MAGEB3: variants seen among roughly 807,000 people sequenced by gnomAD.
The protein encoded by MAGEB3 is melanoma-associated antigen B3.
For synonymous variants in MAGEB3, 91 were observed against 93.0 expected (o/e 0.98, Z 0.12); for missense variants, 191 against 262.4 (o/e 0.73, Z 1.88).
intron 2 of MAGEB3, among the ~76,000 whole-genome samples, chrX:30,232,021 C>G (rs2147335798): frequency 8.9e-6 from 1 of 112,309 alleles, no homozygotes; most frequent in East Asian, 2.8e-4. Context: ...CTCGGAGACC[C>G]CGAGCGGGGT....
In MAGEB3 at chrX:30,237,305, TA is replaced by T. The variant is rs1186432353; in HGVS notation, c.*351del. On this transcript the variant is annotated 3_prime_UTR_variant, in exon 5 of 5. Transcript: ENST00000361644. Reference sequence around the variant, plus strand: ...GAATAAGCATTTCCTTGAAAATGTTTAAAAAAAAAAAGTCAGCAGTAAAATG... The same window carrying T: ...GAATAAGCATTTCCTTGAAAATGTTTAAAAAAAAAAGTCAGCAGTAAAATG... 0.012 allele frequency: 1,870 copies of T among 158,078 alleles called. 7 individuals carry two copies. The highest frequency in any genetic ancestry group is 0.017 in the African/African-American group (534 of 30,577). 13.0% of individuals were successfully genotyped at this position (158,078 alleles called of 1,213,427 possible).
At position 30,236,039 on chromosome X, in the gene MAGEB3, T is replaced by C; in HGVS notation, c.115T>C (p.Ser39Pro). 1 of 1,210,760 alleles carries C rather than the reference T, an allele frequency of 8.3e-7. No homozygotes were observed. The highest frequency in any genetic ancestry group is 1.8e-5 in the South Asian group (1 of 56,862). Residue 39 changes from serine (S) to proline (P), a missense_variant, in exon 5 of 5, where the codon TCC becomes CCC. Ser to Pro is a moderately conservative substitution (Grantham distance 74). Coordinates refer to ENST00000361644, the MANE Select transcript of MAGEB3 (RefSeq NM_002365.5). ...QITATNKKKV[S>P]FSSPLILGAT... ...CACTGCAACTAACAAGAAAAAAGTA[T>C]CCTTTTCATCCCCTCTTATTTTGGG...
chrX:30,234,004 A>T (rs1199070987), intron 4 of MAGEB3, among the ~76,000 whole-genome samples: 1 of 112,575 alleles, frequency 8.9e-6, no homozygotes, highest in African/African-American at 3.2e-5. Context: ...AGGGGCGTCA[A>T]CAGAAAGCAG....
rs768704846 is a variant in MAGEB3 at position 30,236,661 on chromosome X, A to T, written c.737A>T (p.Lys246Met). The change falls in exon 5 of 5, where the codon AAG (lysine) becomes ATG (methionine). Residue 246 changes from lysine to methionine, a missense_variant. Coordinates refer to ENST00000361644, the MANE Select transcript of MAGEB3 (RefSeq NM_002365.5). ...KKHFIFGEPR[K>M]LITQDLVKLK... ...CACTTCATATTTGGGGAGCCCAGAAAGCTCATCACCCAAGATTTGGTGAAG... is the reference window on the plus strand; with the variant it reads ...CACTTCATATTTGGGGAGCCCAGAATGCTCATCACCCAAGATTTGGTGAAG... The T allele has an allele frequency of 8.3e-7, 1 of 1,210,849 alleles. No homozygotes were observed. Among genetic ancestry groups the T allele is most frequent in the Non-Finnish European group, 1.1e-6 (1 of 895,371 alleles).
chrX:30,232,369 A>T (rs1299973921), intron 2 of MAGEB3, among the ~76,000 whole-genome samples: 3 of 109,685 alleles, frequency 2.7e-5, no homozygotes, highest in Non-Finnish European at 5.7e-5. Flanking sequence ...TAATCCCAGC[A>T]CACTGGGAGG....
Position 30,236,557 on chromosome X carries a change from C to A in MAGEB3, c.633C>A (p.Ile211=). The A allele has an allele frequency of 8.3e-7, 1 of 1,211,869 alleles. No homozygotes were observed. The highest frequency in any genetic ancestry group is 1.1e-6 in the Non-Finnish European group (1 of 895,458). The change falls in exon 5 of 5, where the codon ATC becomes ATA. Residue 211 remains isoleucine (I), a synonymous_variant. Coordinates refer to ENST00000361644, the MANE Select transcript of MAGEB3 (RefSeq NM_002365.5). ...TGLLLNLLGV[I]FMKGNCATEE... ...TCCTGCTGAATCTCCTGGGCGTGAT[C>A]TTCATGAAGGGCAACTGTGCCACTG... is the stretch of plus-strand genomic sequence containing the variant.
intron 3 of MAGEB3, among the ~76,000 whole-genome samples, 169 bp downstream of exon 3, chrX:30,233,085 G>A (rs1924860373): frequency 9.2e-6 from 1 of 108,931 alleles, no homozygotes; most frequent in Non-Finnish European, 1.9e-5. Flanking sequence ...CACAGGTGTA[G>A]TCCCAGCTAT....
At position 30,236,977 on chromosome X, in the gene MAGEB3, C is replaced by A; in HGVS notation, c.*12C>A. 2.6e-6 allele frequency: 3 copies of A among 1,171,491 alleles called. No individual in the cohort carries two copies. Among genetic ancestry groups the A allele is most frequent in the Non-Finnish European group, 3.4e-6 (3 of 872,858 alleles). Reference sequence around the variant, plus strand: ...CTTCCCACGCCTAGTGAAGTTGAAGCAAATTTTGCATTTTGTGGTTAAAGA... The same window carrying A: ...CTTCCCACGCCTAGTGAAGTTGAAGAAAATTTTGCATTTTGTGGTTAAAGA... On this transcript the variant is annotated 3_prime_UTR_variant, in exon 5 of 5. Coordinates refer to ENST00000361644, the MANE Select transcript of MAGEB3 (RefSeq NM_002365.5).
At chrX:30,233,809 A>G (rs1173477990) in intron 4 of MAGEB3, among the ~76,000 whole-genome samples, 7 of 111,666 alleles carry the variant, frequency 6.3e-5, no homozygotes, top group Non-Finnish European at 1.3e-4. Flanking sequence ...ACAAAAGGGG[A>G]CCCACACGTC....
Position 30,236,680 on chromosome X carries a change from G to A in MAGEB3, c.756G>A (p.Leu252=). ...CCAGAAAGCTCATCACCCAAGATTT[G>A]GTGAAGCTTAAATACCTGGAGTACC... The part of the protein sequence containing the change: ...GEPRKLITQD[L]VKLKYLEYRQ... The change falls in exon 5 of 5, where the codon TTG becomes TTA. Residue 252 remains leucine, a synonymous_variant. Transcript: ENST00000361644. The A allele has an allele frequency of 8.2e-7, 1 of 1,212,159 alleles. No individual in the cohort carries two copies.
intron 4 of MAGEB3, among the ~76,000 whole-genome samples, chrX:30,234,951 A>C (rs1177451968): frequency 9.0e-6 from 1 of 111,594 alleles, no homozygotes; most frequent in Non-Finnish European, 1.9e-5. Context: ...ACTCTCTCTA[A>C]AAAGTAGAGT....
rs746621811 is a variant in MAGEB3 at position 30,236,791 on chromosome X, G to A, written c.867G>A (p.Leu289=). The A allele has an allele frequency of 3.3e-6, 4 of 1,212,044 alleles. No individual in the cohort carries two copies. Among genetic ancestry groups the A allele is most frequent in the South Asian group, 3.5e-5 (2 of 57,000 alleles). Residue 289 remains leucine (L), a synonymous_variant, in exon 5 of 5, where the codon CTG becomes CTA. Transcript: ENST00000361644. ...AHAETSKMKV[L]EFWAKVNKTV... ...CTGAAACCAGCAAGATGAAGGTCCT[G>A]GAGTTTTGGGCCAAGGTCAATAAAA...
Position 30,236,243 on chromosome X carries a change from C to T in MAGEB3, c.319C>T (p.Arg107Cys), listed in dbSNP as rs761502732. 5 of 1,207,073 alleles carry T rather than the reference C, an allele frequency of 4.1e-6. No homozygotes were observed. The highest frequency in any genetic ancestry group is 1.7e-5 in the African/African-American group (1 of 57,559). Residue 107 changes from arginine to cysteine, a missense_variant, in exon 5 of 5, where the codon CGC (arginine) becomes TGC (cysteine). By Grantham distance (180) the Arg-to-Cys change is radical. Coordinates refer to ENST00000361644, the MANE Select transcript of MAGEB3 (RefSeq NM_002365.5). ...GGGTCTATCCTCCACTGTGCAGTCT[C>T]GCACAGACCCTCTAATCATGAAGAC... ...SQGLSSTVQS[R>C]TDPLIMKTNM...
intron 4 of MAGEB3, 130 bp from the exon 5 acceptor site, chrX:30,235,734 A>G (rs1924955885): frequency 4.8e-6 from 2 of 418,983 alleles, no homozygotes; most frequent in Admixed American, 9.2e-5. Flanking sequence ...CAAACTGATC[A>G]GAACAGAAGC....
In MAGEB3 at chrX:30,236,427, T is replaced by G; in HGVS notation, c.503T>G (p.Leu168Ter). 1 of 1,211,511 alleles carries G rather than the reference T, an allele frequency of 8.3e-7. No individual in the cohort carries two copies. The highest frequency in any genetic ancestry group is 1.1e-6 in the Non-Finnish European group (1 of 895,251). Residue 168 changes from leucine to a stop codon, truncating the protein, a stop_gained, in exon 5 of 5, where the codon TTA (leucine) becomes TGA (stop). Coordinates refer to ENST00000361644, the MANE Select transcript of MAGEB3 (RefSeq NM_002365.5). LOFTEE classifies it low-confidence loss of function (END_TRUNC). Reference protein sequence around the residue: ...FNMEVVFGVDLKKVDSTKDSY... With the variant: ...FNMEVVFGVD ...ATGGAGGTGGTATTTGGTGTTGATT[T>G]AAAGAAAGTTGATTCTACCAAGGAC...
chrX:30,236,142 C>A lies in MAGEB3; in HGVS notation c.218C>A (p.Thr73Lys), dbSNP rs1411877074. 21 of 1,207,698 alleles carry A rather than the reference C, an allele frequency of 1.7e-5. No homozygotes were observed. The highest frequency in any genetic ancestry group is 2.4e-5 in the Non-Finnish European group (21 of 893,177). ...CCTCAGAGAGCACTATCCACCACTA[C>A]ATCTGTAGATGTTTCTTACAAAAAG... ...KKPQRALSTT[T>K]SVDVSYKKSY... The change falls in exon 5 of 5, where the codon ACA (threonine) becomes AAA (lysine). Residue 73 changes from threonine (T) to lysine (K), a missense_variant. Thr to Lys is a moderately conservative substitution (Grantham distance 78). Transcript: ENST00000361644.
intron 4 of MAGEB3, among the ~76,000 whole-genome samples, chrX:30,234,508 A>T (rs1183953003): frequency 2.7e-5 from 3 of 110,914 alleles, no homozygotes; most frequent in African/African-American, 9.9e-5. Flanking sequence ...CTGAATGTGC[A>T]TGAAAGGGAC....
chrX:30,230,955 G>A (rs1924761135), intron 1 of MAGEB3, 138 bp downstream of exon 1: 1 of 111,595 alleles, frequency 9.0e-6, no homozygotes, highest in South Asian at 3.8e-4. Context: ...ATCTCAGGGA[G>A]GGGAAGGCTT....
intron 4 of MAGEB3, among the ~76,000 whole-genome samples, chrX:30,234,899 T>A (rs925296781): frequency 9.0e-6 from 1 of 111,348 alleles, no homozygotes. Context: ...CACATCCTAC[T>A]AAGAGTCAAG....
Sources: gnomAD v4.1 joint callset for allele counts (sites outside exome capture counted in the v4.1 genomes callset) on GRCh38, gnomAD v4.1.1 for gene constraint, MANE v1.5 for transcripts, NCBI Gene and HGNC (gene_info 2026-07-23, HGNC 2026-07-21) for gene names.